The following DISP1 variants were observed in gnomAD, a reference collection of about 807,000 sequenced individuals.
The protein encoded by DISP1 is protein dispatched homolog 1.
A neutral mutation model predicts 37.3 loss-of-function variants in DISP1; 30 were observed. The ratio of observed to expected loss-of-function variants is 0.80; its 90% CI spans 0.60 to 1.09. The LOEUF (loss-of-function observed/expected upper bound fraction) is 1.09, where lower values mean the gene tolerates loss of function less well. DISP1 is among the 50% of genes least tolerant of loss of function. The pLI is 0.00. For synonymous variants in DISP1, 634 were observed against 690.2 expected, an observed-to-expected ratio of 0.92 and a Z score of 1.28; for missense variants, 1,598 against 1,879.5, an observed-to-expected ratio of 0.85 and a Z score of 2.77.
At chr1:222,936,786 A>T (rs55728117) in intron 2 of DISP1, among the ~76,000 whole-genome samples, 48 of 53,386 alleles carry the variant, frequency 9.0e-4, no homozygotes, top group South Asian at 1.6e-3. Flanking sequence ...ATCATATATA[A>T]TATATATAAT....
chr1:222,953,117 A>G (rs188316541), intron 3 of DISP1, among the ~76,000 whole-genome samples: 3 of 152,336 alleles, frequency 2.0e-5, no homozygotes, highest in Admixed American at 6.5e-5. Flanking sequence ...CTCTAGAAGC[A>G]ATCATTGTTG....
intron 1 of DISP1, among the ~76,000 whole-genome samples, chr1:222,843,232 G>A (rs1435998963): frequency 6.6e-6 from 1 of 151,956 alleles, no homozygotes; most frequent in Non-Finnish European, 1.5e-5. Flanking sequence ...TGCAAATACT[G>A]TGTCTAAAAT....
intron 1 of DISP1, among the ~76,000 whole-genome samples, chr1:222,870,641 G>T (rs1215741394): frequency 6.6e-6 from 1 of 151,890 alleles, no homozygotes; most frequent in Non-Finnish European, 1.5e-5. Flanking sequence ...GGGGTTGTTT[G>T]TTTTTTTCTT....
rs1457989201 is a variant in DISP1 at position 223,005,120 on chromosome 1, A to C, written c.3723A>C (p.Lys1241Asn). 6.2e-7 allele frequency: 1 copy of C among 1,614,132 alleles called. No homozygotes were observed. Among genetic ancestry groups the C allele is most frequent in the South Asian group, 1.1e-5 (1 of 91,080 alleles). ...VHAAYNSELS[K>N]STESDAGSAL... ...CAGCTTACAACAGTGAACTCAGCAAAAGCACTGAAAGTGACGCTGGCTCTG... is the reference window on the plus strand; with the variant it reads ...CAGCTTACAACAGTGAACTCAGCAACAGCACTGAAAGTGACGCTGGCTCTG... Residue 1241 changes from lysine to asparagine, a missense_variant, in exon 9 of 9, where the codon AAA becomes AAC. By Grantham distance (94) the Lys-to-Asn change is moderately conservative. Transcript: ENST00000675850.
chr1:223,002,677 T>C lies in DISP1; in HGVS notation c.1280T>C (p.Ile427Thr), dbSNP rs1206176433. The C allele has an allele frequency of 1.6e-5, 26 of 1,614,092 alleles. No individual in the cohort carries two copies. The highest frequency in any genetic ancestry group is 2.2e-5 in the Non-Finnish European group (26 of 1,180,020). The change falls in exon 9 of 9, where the codon ATC (isoleucine) becomes ACC (threonine). Residue 427 changes from isoleucine (I) to threonine (T), a missense_variant. By Grantham distance (89) the Ile-to-Thr change is moderately conservative. Transcript: ENST00000675850. ...ACCAAGTACAATGCTGTGTACCAGA[T>C]CCTCCATTACTTGGTGGACAAAGAC... ...KCTKYNAVYQ[I>T]LHYLVDKDFM...
intron 1 of DISP1, among the ~76,000 whole-genome samples, chr1:222,820,433 A>G (rs991150670): frequency 1.3e-5 from 2 of 152,184 alleles, no homozygotes; most frequent in African/African-American, 4.8e-5. Flanking sequence ...CACATGGACC[A>G]AGAGAAGTTA....
intron 3 of DISP1, among the ~76,000 whole-genome samples, chr1:222,980,867 C>G (rs1413857791): frequency 6.6e-6 from 1 of 152,178 alleles, no homozygotes; most frequent in African/African-American, 2.4e-5. Context: ...GGTGGGAGGT[C>G]AGGAGTTCGA....
At chr1:222,882,900 G>A (rs1259552022) in intron 1 of DISP1, among the ~76,000 whole-genome samples, 5 of 152,000 alleles carry the variant, frequency 3.3e-5, no homozygotes, top group Non-Finnish European at 7.4e-5. Flanking sequence ...AGCTAAAAAA[G>A]AAATTTTTGC....
intron 1 of DISP1, among the ~76,000 whole-genome samples, chr1:222,832,008 G>A (rs899218045): frequency 4.9e-4 from 75 of 152,130 alleles, no homozygotes; most frequent in African/African-American, 1.7e-3. Flanking sequence ...AGCTGGGCAC[G>A]GTGGGTCATG....
At chr1:222,930,643 A>G (rs954253645) in intron 2 of DISP1, among the ~76,000 whole-genome samples, 2 of 152,112 alleles carry the variant, frequency 1.3e-5, no homozygotes, top group African/African-American at 2.4e-5. Context: ...TGATTTAATT[A>G]TTTTTGTAAG....
chr1:222,941,116 T>C (rs906375243), intron 2 of DISP1, among the ~76,000 whole-genome samples: 6 of 152,244 alleles, frequency 3.9e-5, no homozygotes, highest in Admixed American at 2.0e-4. Context: ...ATGGCACATT[T>C]AGAAAATGAT....
At chr1:222,823,113 A>G (rs1187976715) in intron 1 of DISP1, among the ~76,000 whole-genome samples, 7 of 152,204 alleles carry the variant, frequency 4.6e-5, no homozygotes, top group African/African-American at 1.4e-4. Flanking sequence ...TTTGGAAGAC[A>G]ATATGGAGAT....
At chr1:222,860,311 C>T (rs896233689) in intron 1 of DISP1, among the ~76,000 whole-genome samples, 12 of 152,152 alleles carry the variant, frequency 7.9e-5, no homozygotes, top group Non-Finnish European at 1.2e-4. Flanking sequence ...GCCTCGGCCT[C>T]CCAAAGTGCT....
chr1:222,995,319 A>G (rs1369967851), intron 8 of DISP1, among the ~76,000 whole-genome samples: 8 of 152,100 alleles, frequency 5.3e-5, no homozygotes, highest in Non-Finnish European at 1.2e-4. Flanking sequence ...TTCCTAACCT[A>G]GTTTCATTGT....
chr1:222,913,919 T>G (rs1399105861), intron 1 of DISP1, among the ~76,000 whole-genome samples: 1 of 148,096 alleles, frequency 6.8e-6, no homozygotes, highest in Non-Finnish European at 1.5e-5. Context: ...ATAGCTCATC[T>G]TTTTCAAATA....
chr1:222,892,844 G>A (rs949368458), intron 1 of DISP1, among the ~76,000 whole-genome samples: 1 of 152,206 alleles, frequency 6.6e-6, no homozygotes, highest in African/African-American at 2.4e-5. Context: ...GTGTTTGAAT[G>A]TCCAGCTTGG....
At chr1:222,931,057 A>T (rs927255508) in intron 2 of DISP1, among the ~76,000 whole-genome samples, 10 of 151,984 alleles carry the variant, frequency 6.6e-5, no homozygotes, top group Admixed American at 5.3e-4. Flanking sequence ...AACAGCAGGG[A>T]GTGGGGCCTG....
chr1:222,848,013 A>G (rs1668015529), intron 1 of DISP1, among the ~76,000 whole-genome samples: 1 of 150,494 alleles, frequency 6.6e-6, no homozygotes, highest in African/African-American at 2.4e-5. Flanking sequence ...TTTACATTTT[A>G]ATTTTCAGTA....
intron 1 of DISP1, among the ~76,000 whole-genome samples, chr1:222,880,246 G>A (rs1027609134): frequency 6.6e-6 from 1 of 152,138 alleles, no homozygotes; most frequent in African/African-American, 2.4e-5. Context: ...TTTAAAAAGA[G>A]AAATAGACAT....
Sources: gnomAD v4.1 joint callset for allele counts (sites outside exome capture counted in the v4.1 genomes callset) on GRCh38, gnomAD v4.1.1 for gene constraint, MANE v1.5 for transcripts, NCBI Gene and HGNC (gene_info 2026-07-23, HGNC 2026-07-21) for gene names.